The following GMFG variants were observed in gnomAD, a reference collection of about 807,000 sequenced individuals.
The protein encoded by GMFG is glia maturation factor gamma.
Under a neutral mutation model 26.1 loss-of-function variants are expected in GMFG, and 21 were observed. The observed-to-expected ratio is 0.80, with a 90% CI of 0.57 to 1.16. The LOEUF (loss-of-function observed/expected upper bound fraction) is 1.16. Ranked by LOEUF, GMFG falls within the 50% of genes most tolerant of loss-of-function variation. The pLI is 0.00. For synonymous variants in GMFG, 65 were observed against 60.8 expected, an observed-to-expected ratio of 1.07 and a Z score of -0.32; for missense variants, 161 against 178.3, an observed-to-expected ratio of 0.90 and a Z score of 0.55.
At chr19:39,333,991 CTTT>C (rs752249412) in intron 3 of GMFG, among the ~76,000 whole-genome samples, 1 of 128,978 alleles carries the variant, frequency 7.8e-6, no homozygotes, top group South Asian at 2.6e-4. Context: ...GGTCTACCCC[CTTT>C]TTTTTTTTTG....
At chr19:39,335,791 A>T (rs566058327) in intron 1 of GMFG, among the ~76,000 whole-genome samples, 183 bp downstream of exon 1, 38 of 152,188 alleles carry the variant, frequency 2.5e-4, no homozygotes, top group African/African-American at 8.7e-4. Context: ...GCAGAGATCC[A>T]CTTCCTGAGC....
intron 1 of GMFG, 96 bp from the exon 2 acceptor site, chr19:39,335,627 C>A: frequency 1.2e-6 from 1 of 865,106 alleles, no homozygotes. Flanking sequence ...AGAGGAGCAT[C>A]GCGCCGGCCC....
intron 4 of GMFG, 53 bp from the exon 5 acceptor site, chr19:39,329,679 A>G (rs1600491024): frequency 9.0e-7 from 1 of 1,115,550 alleles, no homozygotes; most frequent in African/African-American, 1.5e-5. Context: ...CCCAGGCTTA[A>G]CAGCCATTAC....
chr19:39,329,602 G>A lies in GMFG; in HGVS notation c.225C>T (p.Tyr75=), dbSNP rs75976955. 2,315 of 1,610,354 alleles carry A rather than the reference G, an allele frequency of 1.4e-3. 49 individuals are homozygous for A. The East Asian group carries it at 0.042, about 29-fold the overall frequency. Reference sequence around the variant, plus strand: ...AGGACACTCGGCCATCGTCATGCACGTACTTGTAGCTGTAAACCACGAACC... The same window carrying A: ...AGGACACTCGGCCATCGTCATGCACATACTTGTAGCTGTAAACCACGAACC... ...QPRFVVYSYK[Y]VHDDGRVSYP... Residue 75 remains tyrosine, a synonymous_variant, in exon 5 of 7, where the codon TAC becomes TAT. Transcript: ENST00000597595.
intron 1 of GMFG, 81 bp downstream of exon 1, chr19:39,335,893 C>G: frequency 1.0e-6 from 1 of 973,126 alleles, no homozygotes; most frequent in Middle Eastern, 2.7e-4. Context: ...CATCCCATAG[C>G]CTGACCTTCG....
intron 5 of GMFG, 100 bp downstream of exon 5, chr19:39,329,444 A>G: frequency 1.4e-6 from 1 of 734,638 alleles, no homozygotes; most frequent in South Asian, 1.5e-5. Context: ...TCACATGCTC[A>G]CACTCTTACA....
rs776682972 is a variant in GMFG, at chr19:39,335,501, G to C, written c.34C>G (p.Pro12Ala). The stretch of plus-strand genomic sequence containing the variant: ...TTCCTCAGCTTTTCTGTTAGCTCTG[G>C]GTCTACCTCGCACACCACCAGGGAG... Reference protein sequence around the residue: ...SDSLVVCEVDPELTEKLRKFR... With the variant: ...SDSLVVCEVDAELTEKLRKFR... Residue 12 changes from proline (P) to alanine (A), a missense_variant, in exon 2 of 7, where the codon CCA (proline) becomes GCA (alanine). Transcript: ENST00000597595. 2.5e-6 allele frequency: 4 copies of C among 1,613,796 alleles called. No homozygotes were observed. Among genetic ancestry groups the C allele is most frequent in the East Asian group, 2.2e-5 (1 of 44,884 alleles).
At chr19:39,334,543 C>T (rs2075241126) in intron 3 of GMFG, among the ~76,000 whole-genome samples, 1 of 152,192 alleles carries the variant, frequency 6.6e-6, no homozygotes, top group Non-Finnish European at 1.5e-5. Context: ...GCTGGGATTA[C>T]AGGCATGAGC....
At chr19:39,333,305 G>T (rs2075234785) in intron 3 of GMFG, among the ~76,000 whole-genome samples, 179 bp from the exon 4 acceptor site, 2 of 152,126 alleles carry the variant, frequency 1.3e-5, no homozygotes, top group African/African-American at 4.8e-5. Context: ...AATTAGCCAG[G>T]CATGGTGGCA....
Position 39,328,442 on chromosome 19 carries a change from C to G in GMFG, c.*35G>C. On this transcript the variant is annotated 3_prime_UTR_variant, in exon 7 of 7. Transcript: ENST00000597595. ...TCCAAGTCCCCAGTCACCTTGAGGACTCAGACATCAGGAATTCAGTCCCCA... is the reference window on the plus strand; with the variant it reads ...TCCAAGTCCCCAGTCACCTTGAGGAGTCAGACATCAGGAATTCAGTCCCCA... 7.0e-7 allele frequency: 1 copy of G among 1,435,110 alleles called. No individual in the cohort carries two copies. Among genetic ancestry groups the G allele is most frequent in the South Asian group, 1.1e-5 (1 of 87,606 alleles). 88.9% of individuals were successfully genotyped at this position (1,435,110 alleles called of 1,614,324 possible). A position where few individuals can be genotyped will look rare whatever the true frequency, so the allele number is the denominator to read the frequency against.
At chr19:39,331,199 C>T (rs2075224907) in intron 4 of GMFG, among the ~76,000 whole-genome samples, 1 of 152,182 alleles carries the variant, frequency 6.6e-6, no homozygotes. Flanking sequence ...AGGACAGCAG[C>T]GGTCACTGGG....
At chr19:39,328,652 G>A (rs1385602973) in intron 6 of GMFG, 104 bp from the exon 7 acceptor site, 5 of 805,028 alleles carry the variant, frequency 6.2e-6, no homozygotes, top group Non-Finnish European at 1.1e-5. Flanking sequence ...GCTGAGGTGG[G>A]TGGATCACTT....
intron 4 of GMFG, among the ~76,000 whole-genome samples, chr19:39,331,787 T>C (rs939760322): frequency 2.0e-5 from 3 of 152,140 alleles, no homozygotes; most frequent in African/African-American, 4.8e-5. Context: ...AAAATTTTTT[T>C]AATAAAATAA....
chr19:39,332,199 G>A (rs2075229132), intron 4 of GMFG, among the ~76,000 whole-genome samples: 1 of 151,830 alleles, frequency 6.6e-6, no homozygotes, highest in South Asian at 2.1e-4. Flanking sequence ...ACATGGTGGT[G>A]GGCCCCTGTA....
chr19:39,334,202 G>C (rs536455206), intron 3 of GMFG, among the ~76,000 whole-genome samples: 75 of 151,916 alleles, frequency 4.9e-4, no homozygotes, highest in African/African-American at 1.4e-3. Flanking sequence ...ATTTTTAGTA[G>C]AGACGGGGTT....
intron 2 of GMFG, 55 bp from the exon 3 acceptor site, chr19:39,335,365 C>T (rs2075244838): frequency 6.3e-7 from 1 of 1,585,408 alleles, no homozygotes; most frequent in African/African-American, 1.3e-5. Context: ...ATGGGGGACA[C>T]AAGCCCAGCC....
rs2075212047 is a variant in GMFG at position 39,328,438 on chromosome 19, A to C, written c.*39T>G. On this transcript the variant is annotated 3_prime_UTR_variant, in exon 7 of 7. Coordinates refer to ENST00000597595, the MANE Select transcript of GMFG (RefSeq NM_004877.4). Reference sequence around the variant, plus strand: ...GGGTTCCAAGTCCCCAGTCACCTTGAGGACTCAGACATCAGGAATTCAGTC... The same window carrying C: ...GGGTTCCAAGTCCCCAGTCACCTTGCGGACTCAGACATCAGGAATTCAGTC... 1 of 1,338,866 alleles carries C rather than the reference A, an allele frequency of 7.5e-7. No individual in the cohort carries two copies. The highest frequency in any genetic ancestry group is 1.4e-5 in the African/African-American group (1 of 69,540). 82.9% of individuals were successfully genotyped at this position (1,338,866 alleles called of 1,614,324 possible).
chr19:39,333,032 C>G, intron 4 of GMFG, 45 bp downstream of exon 4: 1 of 1,311,430 alleles, frequency 7.6e-7, no homozygotes. Flanking sequence ...CCAACATCAC[C>G]CCTCCCCTCA....
intron 3 of GMFG, 141 bp from the exon 4 acceptor site, chr19:39,333,267 G>A: frequency 2.4e-6 from 1 of 421,304 alleles, no homozygotes; most frequent in South Asian, 2.3e-5. Context: ...CTAACAGGGT[G>A]AAACCCGTCT....
Sources: gnomAD v4.1 joint callset for allele counts (sites outside exome capture counted in the v4.1 genomes callset) on GRCh38, gnomAD v4.1.1 for gene constraint, MANE v1.5 for transcripts, NCBI Gene and HGNC (gene_info 2026-07-23, HGNC 2026-07-21) for gene names.